The following AOPEP variants were observed in gnomAD, a reference collection of about 807,000 sequenced individuals.
AOPEP encodes aminopeptidase O (putative), also known as aminopeptidase O.
Under a neutral mutation model 98.1 loss-of-function variants are expected in AOPEP, and 77 were observed. The observed-to-expected ratio is 0.78, with a 90% CI of 0.65 to 0.95. The LOEUF is 0.95. AOPEP is among the 40% of genes least tolerant of loss of function. The pLI is 0.00. For synonymous variants in AOPEP, 346 were observed against 365.3 expected (o/e 0.95, Z 0.60); for missense variants, 1,024 against 1,024.7 (o/e 1.00, Z 0.01).
At chr9:94,805,886 A>G (rs1455592716) in intron 5 of AOPEP, among the ~76,000 whole-genome samples, 1 of 152,174 alleles carries the variant, frequency 6.6e-6, no homozygotes, top group Non-Finnish European at 1.5e-5. Flanking sequence ...TGCTGGTACA[A>G]AGGGCCTGTT....
intron 5 of AOPEP, among the ~76,000 whole-genome samples, chr9:94,909,436 T>G (rs1054533898): frequency 3.3e-5 from 5 of 151,956 alleles, no homozygotes; most frequent in Non-Finnish European, 7.4e-5. Flanking sequence ...AGATGACAGC[T>G]TTTATACTTA....
At chr9:94,967,312 A>G (rs941891051) in intron 9 of AOPEP, among the ~76,000 whole-genome samples, 2 of 152,188 alleles carry the variant, frequency 1.3e-5, no homozygotes, top group Non-Finnish European at 2.9e-5. Context: ...TGGCATATTT[A>G]TCATCTTGAT....
intron 16 of AOPEP, among the ~76,000 whole-genome samples, chr9:95,083,494 A>C (rs1302187245): frequency 1.4e-5 from 2 of 146,876 alleles, no homozygotes; most frequent in East Asian, 4.2e-4. Context: ...CAGCACACAC[A>C]CCACACAGAG....
intron 5 of AOPEP, among the ~76,000 whole-genome samples, chr9:94,809,082 C>G (rs1446106065): frequency 6.6e-6 from 1 of 152,290 alleles, no homozygotes; most frequent in Non-Finnish European, 1.5e-5. Context: ...GTGATGAATG[C>G]TGATGATGCT....
intron 1 of AOPEP, among the ~76,000 whole-genome samples, chr9:94,733,143 G>A (rs1334781177): frequency 4.3e-5 from 5 of 115,438 alleles, no homozygotes; most frequent in East Asian, 2.5e-4. Context: ...GTCTCACTCT[G>A]TTGCCCAGGC....
At chr9:94,876,289 GC>G (rs1346183274) in intron 5 of AOPEP, among the ~76,000 whole-genome samples, 4 of 152,094 alleles carry the variant, frequency 2.6e-5, no homozygotes, top group African/African-American at 7.2e-5. Flanking sequence ...ACCCAAGCTT[GC>G]CATCCACCAT....
intron 4 of AOPEP, among the ~76,000 whole-genome samples, chr9:94,798,137 A>ACAGTGAAGC (rs1847436254): frequency 6.6e-6 from 1 of 152,310 alleles, no homozygotes; most frequent in South Asian, 2.1e-4. Flanking sequence ...GTCTGAGAAG[A>ACAGTGAAGC]CAGTGAAGCC....
chr9:95,115,653 A>G, the AOPEP span, among the ~76,000 whole-genome samples: 1 of 152,232 alleles, frequency 6.6e-6, no homozygotes, highest in Non-Finnish European at 1.5e-5. Context: ...GTTTTCACAT[A>G]GTGATAGATG....
intron 5 of AOPEP, among the ~76,000 whole-genome samples, chr9:94,915,077 G>T (rs955318710): frequency 6.6e-6 from 1 of 152,162 alleles, no homozygotes; most frequent in Non-Finnish European, 1.5e-5. Context: ...GCTTGTGTTT[G>T]AATCTGCTTT....
chr9:95,022,972 C>T (rs972515984), intron 13 of AOPEP, among the ~76,000 whole-genome samples: 5 of 152,222 alleles, frequency 3.3e-5, no homozygotes, highest in East Asian at 1.9e-4. Flanking sequence ...CGCTGTAGTC[C>T]GGAATGACAT....
the AOPEP span, chr9:95,100,448 C>A: frequency 4.3e-6 from 1 of 231,554 alleles, no homozygotes; most frequent in Non-Finnish European, 8.5e-6. Context: ...TTTGCTCATA[C>A]CTCAAAACGG....
chr9:95,073,931 C>G (rs982558327), intron 14 of AOPEP, among the ~76,000 whole-genome samples: 5 of 152,168 alleles, frequency 3.3e-5, no homozygotes, highest in Non-Finnish European at 7.3e-5. Context: ...GGAAATAACA[C>G]TTTGATTTCA....
At chr9:95,057,017 C>G (rs2066885230) in intron 13 of AOPEP, among the ~76,000 whole-genome samples, 2 of 152,208 alleles carry the variant, frequency 1.3e-5, no homozygotes, top group Non-Finnish European at 2.9e-5. Context: ...ATAACCCCAT[C>G]ATGAATTTCT....
At chr9:94,800,593 C>T (rs1848001016) in intron 4 of AOPEP, among the ~76,000 whole-genome samples, 164 bp from the exon 5 acceptor site, 2 of 152,194 alleles carry the variant, frequency 1.3e-5, no homozygotes, top group Non-Finnish European at 2.9e-5. Context: ...TAAATTTTCA[C>T]TGCTGCACAG....
chr9:94,889,908 T>G (rs1490982882), intron 5 of AOPEP, among the ~76,000 whole-genome samples: 1 of 152,220 alleles, frequency 6.6e-6, no homozygotes, highest in Non-Finnish European at 1.5e-5. Context: ...TGGTTTTAAT[T>G]CACATTTCTA....
At chr9:95,050,217 A>G (rs2066221461) in intron 13 of AOPEP, among the ~76,000 whole-genome samples, 1 of 152,320 alleles carries the variant, frequency 6.6e-6, no homozygotes, top group South Asian at 2.1e-4. Flanking sequence ...ATCACCTCTC[A>G]CACATTGGCA....
At chr9:94,751,289 A>G (rs951390093) in intron 1 of AOPEP, among the ~76,000 whole-genome samples, 8 of 152,124 alleles carry the variant, frequency 5.3e-5, no homozygotes, top group African/African-American at 1.4e-4. Context: ...CAGTGGGAGG[A>G]TTAGTCTGCC....
At chr9:95,112,673 C>T in the AOPEP span, among the ~76,000 whole-genome samples, 1 of 152,204 alleles carries the variant, frequency 6.6e-6, no homozygotes, top group Non-Finnish European at 1.5e-5. Context: ...AGCAGTGAGG[C>T]TCCCTCATGC....
intron 5 of AOPEP, among the ~76,000 whole-genome samples, chr9:94,852,438 G>A (rs2043667633): frequency 1.3e-5 from 2 of 152,336 alleles, no homozygotes; most frequent in African/African-American, 4.8e-5. Flanking sequence ...GGGAAGAGCA[G>A]TGGCTGGGAG....
Sources: allele counts gnomAD v4.1 joint callset (sites outside exome capture counted in the v4.1 genomes callset), GRCh38; gene constraint gnomAD v4.1.1; transcripts MANE v1.5; gene names NCBI Gene and HGNC (gene_info 2026-07-23, HGNC 2026-07-21).